Variants in CSMD1 observed in about 807,000 individuals in gnomAD.
CSMD1 encodes the protein CUB and Sushi multiple domains 1.
CSMD1 carries 213 observed loss-of-function variants against 417.5 expected under a neutral mutation model. The observed-to-expected ratio is 0.51, with a 90% CI of 0.46 to 0.57. The LOEUF is 0.57. CSMD1 is among the 20% of genes least tolerant of loss of function. CSMD1 has a pLI of 0.00. For missense variants in CSMD1, 6,923 were observed against 4,529.7 expected (o/e 1.53, Z -15.17); for synonymous variants, 2,862 against 1,736.8 (o/e 1.65, Z -16.11).
chr8:4,327,255 C>T (rs532845360), intron 3 of CSMD1, among the ~76,000 whole-genome samples: 1 of 152,272 alleles, frequency 6.6e-6, no homozygotes, highest in African/African-American at 2.4e-5. Flanking sequence ...ATACAAACGT[C>T]CATTTTACAG....
At chr8:4,049,766 G>T (rs905163729) in intron 3 of CSMD1, among the ~76,000 whole-genome samples, 7 of 152,016 alleles carry the variant, frequency 4.6e-5, no homozygotes, top group Admixed American at 3.9e-4. Context: ...CTCCATAAAT[G>T]GCCACAGCCC....
At chr8:3,757,944 TA>T (rs888178939) in intron 5 of CSMD1, among the ~76,000 whole-genome samples, 1 of 151,964 alleles carries the variant, frequency 6.6e-6, no homozygotes, top group South Asian at 2.1e-4. Context: ...AATTCAGGTT[TA>T]AAAAAAATGC....
intron 6 of CSMD1, among the ~76,000 whole-genome samples, chr8:3,737,018 G>T (rs987264928): frequency 6.6e-6 from 1 of 152,202 alleles, no homozygotes; most frequent in African/African-American, 2.4e-5. Context: ...GCACACGACT[G>T]TGGTTACATG....
At chr8:4,912,374 T>C (rs1325978113) in intron 1 of CSMD1, among the ~76,000 whole-genome samples, 1 of 148,074 alleles carries the variant, frequency 6.8e-6, no homozygotes, top group Non-Finnish European at 1.5e-5. Flanking sequence ...TTTTTTTTTT[T>C]TCTTTTCACA....
intron 2 of CSMD1, among the ~76,000 whole-genome samples, chr8:4,531,759 T>C (rs546050047): frequency 1.3e-5 from 2 of 152,230 alleles, no homozygotes; most frequent in African/African-American, 4.8e-5. Flanking sequence ...TCTAAAAGTA[T>C]ACAATCTGGT....
Position 3,624,682 on chromosome 8 carries a change from T to C in CSMD1, c.1010-7885A>G, listed in dbSNP as rs138993325. On this transcript the variant is annotated intron_variant, in intron 7 of 69. Transcript: ENST00000635120. ...TTTTAGTAGCAGTCTCCCCAGTGTATTGATGAGCTTTGTTTGAGTGACAGC... is the reference window on the plus strand; with the variant it reads ...TTTTAGTAGCAGTCTCCCCAGTGTACTGATGAGCTTTGTTTGAGTGACAGC... Among the ~76,000 whole-genome samples, 336 of 152,300 alleles carry C rather than the reference T, an allele frequency of 2.2e-3. 2 individuals carry two copies. The highest frequency in any genetic ancestry group is 7.6e-3 in the African/African-American group (316 of 41,576).
In CSMD1 at chr8:4,027,865, T is replaced by A. The variant is rs551867893; in HGVS notation, c.610+4040A>T. Among the ~76,000 whole-genome samples the A allele has an allele frequency of 4.6e-5, 7 of 152,130 alleles. No homozygotes were observed. The South Asian group carries it at 1.5e-3, about 32-fold the overall frequency. The stretch of plus-strand genomic sequence containing the variant: ...CATGATCTATTAAAAATTAAATAAA[T>A]AAAGAGAACAAAGACACAGTAACTT... On this transcript the variant is annotated intron_variant, in intron 4 of 69. Transcript: ENST00000635120.
intron 37 of CSMD1, among the ~76,000 whole-genome samples, chr8:3,166,794 C>T (rs912786795): frequency 6.6e-6 from 1 of 152,044 alleles, no homozygotes; most frequent in Non-Finnish European, 1.5e-5. Context: ...CTAAAAAGAA[C>T]TCACAAAACG....
intron 6 of CSMD1, among the ~76,000 whole-genome samples, chr8:3,711,041 C>T (rs1174123603): frequency 6.6e-6 from 1 of 152,126 alleles, no homozygotes; most frequent in Non-Finnish European, 1.5e-5. Context: ...CATATTATGT[C>T]TAAACTGCCA....
intron 12 of CSMD1, among the ~76,000 whole-genome samples, chr8:3,445,042 C>G (rs1400619646): frequency 6.6e-6 from 1 of 152,170 alleles, no homozygotes; most frequent in African/African-American, 2.4e-5. Context: ...TTCTTAAACA[C>G]TCTGGAGATG....
At chr8:3,628,868 G>GTAACCCAAATAATCT (rs1563213275) in intron 7 of CSMD1, among the ~76,000 whole-genome samples, 5 of 149,572 alleles carry the variant, frequency 3.3e-5, no homozygotes, top group Non-Finnish European at 5.9e-5. Flanking sequence ...AATAATCTAA[G>GTAACCCAAATAATCT]TTTTTTTAAA....
intron 11 of CSMD1, among the ~76,000 whole-genome samples, chr8:3,492,075 C>T (rs1457576881): frequency 2.0e-5 from 3 of 152,132 alleles, no homozygotes; most frequent in African/African-American, 7.2e-5. Flanking sequence ...GTGAGTCATT[C>T]AACAAGGTGT....
At chr8:3,942,194 T>C (rs955446429) in intron 5 of CSMD1, among the ~76,000 whole-genome samples, 1 of 152,046 alleles carries the variant, frequency 6.6e-6, no homozygotes, top group African/African-American at 2.4e-5. Context: ...CCACTGATTC[T>C]ACATTATGGT....
intron 10 of CSMD1, among the ~76,000 whole-genome samples, chr8:3,543,256 G>A (rs536171196): frequency 1.3e-5 from 2 of 152,206 alleles, no homozygotes; most frequent in Non-Finnish European, 2.9e-5. Context: ...TAGAGCAGAG[G>A]TGAGGCATGT....
intron 18 of CSMD1, among the ~76,000 whole-genome samples, chr8:3,385,028 AT>A (rs1810906387): frequency 1.1e-5 from 1 of 93,176 alleles, no homozygotes; most frequent in African/African-American, 4.3e-5. Context: ...ATATATAAAT[AT>A]AATATATATA....
chr8:4,330,989 T>C (rs10866968), intron 3 of CSMD1, among the ~76,000 whole-genome samples: 94,128 of 152,048 alleles, frequency 0.62, 30,210 homozygotes, highest in Middle Eastern at 0.8. Flanking sequence ...ACAGCCGCCT[T>C]TGTGTTACTG....
intron 7 of CSMD1, among the ~76,000 whole-genome samples, chr8:3,672,265 C>T (rs1024513820): frequency 5.3e-5 from 8 of 152,048 alleles, no homozygotes; most frequent in Non-Finnish European, 8.8e-5. Context: ...TTATATTAAA[C>T]CAAAGAGTCT....
chr8:3,077,861 G>C (rs1563313907), intron 49 of CSMD1, among the ~76,000 whole-genome samples: 1 of 152,214 alleles, frequency 6.6e-6, no homozygotes, highest in Admixed American at 6.5e-5. Context: ...TGCACACAGG[G>C]CATTTCACTG....
chr8:4,151,794 T>C (rs1345677606), intron 3 of CSMD1, among the ~76,000 whole-genome samples: 2 of 152,226 alleles, frequency 1.3e-5, no homozygotes, highest in East Asian at 3.9e-4. Flanking sequence ...GCTTATTTTA[T>C]ATGAAAAATA....
Sources: allele counts gnomAD v4.1 joint callset (sites outside exome capture counted in the v4.1 genomes callset), GRCh38; gene constraint gnomAD v4.1.1; transcripts MANE v1.5; gene names NCBI Gene and HGNC (gene_info 2026-07-23, HGNC 2026-07-21).